Variants in ABCA13 observed in about 807,000 individuals in gnomAD.
ABCA13 encodes ATP-binding cassette sub-family A member 13.
Under a neutral mutation model 478.7 loss-of-function variants are expected in ABCA13, and 476 were observed. The observed-to-expected ratio is 0.99, with a 90% CI of 0.92 to 1.07. The LOEUF is 1.07. ABCA13 is among the 50% of genes least tolerant of loss of function. The pLI is 0.00. For synonymous variants in ABCA13, 2,252 were observed against 2,158.9 expected (o/e 1.04, Z -1.20); for missense variants, 6,060 against 5,910.6 (o/e 1.03, Z -0.83).
chr7:48,568,508 A>C (rs1232920774), intron 55 of ABCA13, among the ~76,000 whole-genome samples: 1 of 151,934 alleles, frequency 6.6e-6, no homozygotes, highest in Non-Finnish European at 1.5e-5. Context: ...TATGGGCTGG[A>C]TTTGATTTAC....
intron 35 of ABCA13, among the ~76,000 whole-genome samples, chr7:48,378,019 A>G (rs542115011): frequency 6.6e-6 from 1 of 152,236 alleles, no homozygotes; most frequent in African/African-American, 2.4e-5. Flanking sequence ...TTGGGGCAAT[A>G]TTTTTCTACA....
chr7:48,519,927 A>G (rs1832417560), intron 52 of ABCA13, 114 bp from the exon 53 acceptor site: 2 of 1,079,128 alleles, frequency 1.9e-6, no homozygotes, highest in Non-Finnish European at 1.3e-6. Context: ...AATAGTTGGG[A>G]TAGGGAAGAC....
In ABCA13 at chr7:48,500,313, A is replaced by G. The variant is rs1207083846; in HGVS notation, c.13292-6023A>G. ...TGCAGGGTAGTGTGAGGGTGAGCCC[A>G]TGCCGTTGCAATTGCTCCTACCTGC... On this transcript the variant is annotated intron_variant, in intron 48 of 61. Coordinates refer to ENST00000435803, the MANE Select transcript of ABCA13 (RefSeq NM_152701.5). Among the ~76,000 whole-genome samples the G allele has an allele frequency of 3.3e-5, 5 of 152,194 alleles. No individual in the cohort carries two copies. In the East Asian group the frequency reaches 7.7e-4, roughly 23 times the overall value.
chr7:48,590,382 T>C (rs1789608027), intron 57 of ABCA13, among the ~76,000 whole-genome samples: 1 of 152,050 alleles, frequency 6.6e-6, no homozygotes, highest in Non-Finnish European at 1.5e-5. Context: ...TTTTCCCATT[T>C]ATACACTTAG....
At chr7:48,296,698 A>G (rs62449215) in intron 21 of ABCA13, among the ~76,000 whole-genome samples, 4 of 151,832 alleles carry the variant, frequency 2.6e-5, no homozygotes, top group Non-Finnish European at 2.9e-5. Context: ...TCCTGACCTC[A>G]TGATCCGCCC....
At chr7:48,400,566 A>T (rs1482528306) in intron 38 of ABCA13, among the ~76,000 whole-genome samples, 2 of 152,200 alleles carry the variant, frequency 1.3e-5, no homozygotes, top group Non-Finnish European at 2.9e-5. Context: ...CCTCTAAATA[A>T]CTTTAAAATT....
chr7:48,405,017 T>C (rs1818080296), intron 39 of ABCA13, among the ~76,000 whole-genome samples: 2 of 152,212 alleles, frequency 1.3e-5, no homozygotes, highest in South Asian at 4.1e-4. Context: ...TCCTCAATCA[T>C]GGTGCAGCCA....
intron 19 of ABCA13, among the ~76,000 whole-genome samples, chr7:48,281,922 G>C (rs964668813): frequency 2.0e-5 from 3 of 152,156 alleles, no homozygotes; most frequent in Non-Finnish European, 4.4e-5. Flanking sequence ...ATAACCTTCT[G>C]TGTGCATTTC....
chr7:48,597,077 G>A (rs1444674452), intron 58 of ABCA13, among the ~76,000 whole-genome samples: 5 of 151,330 alleles, frequency 3.3e-5, no homozygotes, highest in African/African-American at 9.7e-5. Context: ...TCAGCCTCCC[G>A]GGTAGCTGGG....
intron 27 of ABCA13, among the ~76,000 whole-genome samples, chr7:48,326,113 G>T (rs540028685): frequency 1.3e-5 from 2 of 152,330 alleles, no homozygotes; most frequent in Admixed American, 6.5e-5. Context: ...CTGGTTATGC[G>T]CATTGCAGGA....
chr7:48,598,029 A>G (rs1790477936), intron 58 of ABCA13, among the ~76,000 whole-genome samples: 1 of 152,190 alleles, frequency 6.6e-6, no homozygotes, highest in African/African-American at 2.4e-5. Context: ...ATATCTAATA[A>G]GAATCCACCA....
At chr7:48,638,496 A>G (rs1794862838) in intron 59 of ABCA13, among the ~76,000 whole-genome samples, 1 of 152,186 alleles carries the variant, frequency 6.6e-6, no homozygotes, top group South Asian at 2.1e-4. Flanking sequence ...GAGGAATGTG[A>G]GTGCCAGCTG....
At chr7:48,438,898 T>TTTTTTTTTTAAAAAACTAA (rs1823217282) in intron 42 of ABCA13, among the ~76,000 whole-genome samples, 1 of 151,700 alleles carries the variant, frequency 6.6e-6, no homozygotes, top group African/African-American at 2.4e-5. Context: ...TTTTTTTTTT[T>TTTTTTTTTTAAAAAACTAA]TAAAAAACTA....
At chr7:48,518,228 C>A (rs1832276964) in intron 52 of ABCA13, among the ~76,000 whole-genome samples, 1 of 152,166 alleles carries the variant, frequency 6.6e-6, no homozygotes, top group African/African-American at 2.4e-5. Flanking sequence ...AATTTCCCTC[C>A]TCCCTCATCG....
intron 18 of ABCA13, 137 bp from the exon 19 acceptor site, chr7:48,281,206 C>A: frequency 1.4e-6 from 1 of 696,492 alleles, no homozygotes; most frequent in Non-Finnish European, 2.4e-6. Flanking sequence ...TTCTTATGTT[C>A]CTATGAAGAA....
At chr7:48,493,893 T>C (rs1197250925) in intron 48 of ABCA13, among the ~76,000 whole-genome samples, 1 of 152,176 alleles carries the variant, frequency 6.6e-6, no homozygotes, top group Admixed American at 6.5e-5. Flanking sequence ...ACTGATAAAC[T>C]TCCCAGCTGA....
intron 42 of ABCA13, among the ~76,000 whole-genome samples, chr7:48,450,208 A>G (rs748220813): frequency 1.3e-4 from 20 of 152,230 alleles, no homozygotes; most frequent in Non-Finnish European, 2.8e-4. Context: ...TTTGATCTAC[A>G]TTAGTTCAGA....
intron 3 of ABCA13, among the ~76,000 whole-genome samples, chr7:48,206,000 C>T (rs190268605): frequency 6.6e-6 from 1 of 152,316 alleles, no homozygotes; most frequent in African/African-American, 2.4e-5. Context: ...CAGAATTCTC[C>T]TGTGCTCTAT....
At chr7:48,373,051 A>G (rs1361811463) in intron 33 of ABCA13, among the ~76,000 whole-genome samples, 2 of 152,202 alleles carry the variant, frequency 1.3e-5, no homozygotes, top group Non-Finnish European at 2.9e-5. Flanking sequence ...GACACATAGT[A>G]GGAACTCAAT....
Sources: allele counts gnomAD v4.1 joint callset (sites outside exome capture counted in the v4.1 genomes callset), GRCh38; gene constraint gnomAD v4.1.1; transcripts MANE v1.5; gene names NCBI Gene and HGNC (gene_info 2026-07-23, HGNC 2026-07-21).